AGBL3: variants seen among roughly 807,000 people sequenced by gnomAD.
AGBL3 encodes cytosolic carboxypeptidase 3.
A neutral mutation model predicts 94.5 loss-of-function variants in AGBL3; 68 were observed. The observed-to-expected ratio is 0.72, with a 90% CI of 0.59 to 0.88. AGBL3 has a LOEUF of 0.88. Among genes scored for constraint, AGBL3 ranks in the 40% least tolerant of loss-of-function variants. AGBL3 has a pLI of 0.00. For missense variants in AGBL3, 934 were observed against 1,103.8 expected (o/e 0.85, Z 2.18); for synonymous variants, 354 against 370.7 (o/e 0.95, Z 0.52).
intron 16 of AGBL3, among the ~76,000 whole-genome samples, chr7:135,116,885 T>C (rs1826395464): frequency 6.6e-6 from 1 of 152,184 alleles, no homozygotes; most frequent in African/African-American, 2.4e-5. Context: ...TGAGAGCTTT[T>C]TGTGCATGTG....
chr7:135,004,145 T>G (rs191742574), intron 4 of AGBL3, among the ~76,000 whole-genome samples: 9 of 151,890 alleles, frequency 5.9e-5, no homozygotes, highest in Admixed American at 5.9e-4. Context: ...TACCAGAAAT[T>G]ATTACTAAAC....
At chr7:135,014,662 T>C (rs1813562757) in intron 4 of AGBL3, among the ~76,000 whole-genome samples, 1 of 152,062 alleles carries the variant, frequency 6.6e-6, no homozygotes, top group Non-Finnish European at 1.5e-5. Flanking sequence ...AAATGAAACA[T>C]ATGGTGAAGG....
rs1291246161 is a variant in AGBL3, at chr7:135,045,592, G to A, written c.1728+18G>A. 7.1e-6 allele frequency: 11 copies of A among 1,538,708 alleles called. No individual in the cohort carries two copies. The Admixed American group carries it at 9.8e-5, about 14-fold the overall frequency. ...GGACCAAGGTAAGCAAAGTCCATTT[G>A]GTAATGCATCAGACTCCAGCCTATC... On this transcript the variant is annotated intron_variant, in intron 10 of 16. Coordinates refer to ENST00000436302, the MANE Select transcript of AGBL3 (RefSeq NM_178563.4).
intron 12 of AGBL3, among the ~76,000 whole-genome samples, chr7:135,061,257 T>C (rs769343062): frequency 7.9e-5 from 12 of 151,900 alleles, no homozygotes; most frequent in Non-Finnish European, 1.6e-4. Context: ...TTTCTTACTA[T>C]TGAGTTCCTG....
intron 4 of AGBL3, among the ~76,000 whole-genome samples, chr7:134,999,862 T>C (rs1157867417): frequency 6.6e-6 from 1 of 152,246 alleles, no homozygotes; most frequent in Admixed American, 6.5e-5. Flanking sequence ...TTCCATCATC[T>C]GATGTAGTAC....
chr7:135,060,685 C>G (rs12113624), intron 12 of AGBL3, among the ~76,000 whole-genome samples: 1 of 152,096 alleles, frequency 6.6e-6, no homozygotes, highest in African/African-American at 2.4e-5. Context: ...TCACTTAACG[C>G]AATGTCCTCC....
chr7:135,056,819 A>AT (rs1352283267), intron 11 of AGBL3, among the ~76,000 whole-genome samples: 32 of 152,262 alleles, frequency 2.1e-4, no homozygotes, highest in African/African-American at 7.5e-4. Context: ...TCCTGGCATG[A>AT]TTTTTGACTC....
chr7:134,995,362 T>A (rs908180296), intron 4 of AGBL3: 1 of 152,278 alleles, frequency 6.6e-6, no homozygotes, highest in African/African-American at 2.4e-5. Flanking sequence ...AACCCTTCTG[T>A]CACATCTTTG....
intron 15 of AGBL3, among the ~76,000 whole-genome samples, chr7:135,103,527 A>T (rs1824176367): frequency 6.6e-6 from 1 of 152,298 alleles, no homozygotes; most frequent in Non-Finnish European, 1.5e-5. Flanking sequence ...CAGGAGTTTT[A>T]TCTGATCCGT....
At chr7:135,118,103 C>T (rs1826585488) in intron 16 of AGBL3, among the ~76,000 whole-genome samples, 1 of 152,152 alleles carries the variant, frequency 6.6e-6, no homozygotes, top group Admixed American at 6.5e-5. Flanking sequence ...TTCCCTCTCC[C>T]TCTGTTTCCA....
rs1261390920 is a variant in AGBL3, at chr7:135,134,925, G to T, written c.2427G>T (p.Gly809=). 3 of 1,550,916 alleles carry T rather than the reference G, an allele frequency of 1.9e-6. No homozygotes were observed. Among genetic ancestry groups the T allele is most frequent in the Non-Finnish European group, 2.6e-6 (3 of 1,146,646 alleles). Residue 809 remains glycine, a synonymous_variant, in exon 17 of 17, where the codon GGG becomes GGT. Transcript: ENST00000436302. ...GAAATCACCCTTTTGTAATCCAAGG[G>T]GATGTTATGGCAAACTCTTCAGAAT... is the stretch of plus-strand genomic sequence containing the variant. ...APRNHPFVIQ[G]DVMANSSEWV...
intron 5 of AGBL3, among the ~76,000 whole-genome samples, chr7:135,032,066 C>T (rs1815800963): frequency 6.6e-6 from 1 of 152,170 alleles, no homozygotes; most frequent in African/African-American, 2.4e-5. Context: ...TAAAATGCCA[C>T]CTCCCTAGGC....
chr7:135,058,568 T>A (rs1441657934), intron 11 of AGBL3, among the ~76,000 whole-genome samples: 1 of 152,058 alleles, frequency 6.6e-6, no homozygotes. Flanking sequence ...CTTGAGTGCC[T>A]ACTATATGCC....
chr7:134,998,757 T>C lies in AGBL3; in HGVS notation c.310+5079T>C, dbSNP rs534505871. The stretch of plus-strand genomic sequence containing the variant: ...GCCCATAGCAATTCCGACATAAAGG[T>C]TGAAAGGTAAGTTTCTTGCTTAAGA... On this transcript the variant is annotated intron_variant, in intron 4 of 16. Coordinates refer to ENST00000436302, the MANE Select transcript of AGBL3 (RefSeq NM_178563.4). Among the ~76,000 whole-genome samples, 108 of 152,298 alleles carry C rather than the reference T, an allele frequency of 7.1e-4. 1 individual carries two copies. The highest frequency in any genetic ancestry group is 1.1e-3 in the Non-Finnish European group (74 of 68,030).
chr7:135,001,146 C>T (rs1317470772), intron 4 of AGBL3, among the ~76,000 whole-genome samples: 2 of 152,146 alleles, frequency 1.3e-5, no homozygotes, highest in Non-Finnish European at 2.9e-5. Flanking sequence ...ACATGAAGTC[C>T]ATTTAAATAT....
chr7:135,115,236 T>C, intron 15 of AGBL3, 144 bp from the exon 16 acceptor site: 1 of 549,490 alleles, frequency 1.8e-6, no homozygotes, highest in South Asian at 3.0e-5. Context: ...ATTTTATTTG[T>C]TTATTTTCTG....
intron 16 of AGBL3, among the ~76,000 whole-genome samples, chr7:135,133,277 A>T (rs1301674776): frequency 1.1e-4 from 17 of 152,232 alleles, no homozygotes; most frequent in Admixed American, 1.1e-3. Context: ...GAATAAGAGA[A>T]ATTTTAAAAT....
At chr7:135,021,063 A>AAAG (rs150382669) in intron 5 of AGBL3, among the ~76,000 whole-genome samples, 112,350 of 150,762 alleles carry the variant, frequency 0.75, 42,530 homozygotes, top group Admixed American at 0.83. Flanking sequence ...ATAAAAAAAA[A>AAAG]AAAAGACTAT....
intron 16 of AGBL3, among the ~76,000 whole-genome samples, chr7:135,134,490 T>G (rs1012153263): frequency 6.6e-6 from 1 of 152,110 alleles, no homozygotes; most frequent in African/African-American, 2.4e-5. Flanking sequence ...ATAAACAGAA[T>G]AGATTTTTAG....
Sources: gnomAD v4.1 joint callset for allele counts (sites outside exome capture counted in the v4.1 genomes callset) on GRCh38, gnomAD v4.1.1 for gene constraint, MANE v1.5 for transcripts, NCBI Gene and HGNC (gene_info 2026-07-23, HGNC 2026-07-21) for gene names.